Variants in COL8A1 observed in about 807,000 individuals in gnomAD.
COL8A1 encodes collagen type VIII alpha 1 chain.
COL8A1 carries 21 observed loss-of-function variants against 42.7 expected under a neutral mutation model. That is an observed-to-expected ratio of 0.49 (90% CI 0.35 to 0.71). The LOEUF is 0.71. Ranked by LOEUF, COL8A1 falls within the 30% of genes least tolerant of loss-of-function variation. The pLI, the probability that COL8A1 is intolerant of heterozygous loss-of-function variation, is 0.01. For missense variants in COL8A1, 788 were observed against 962.4 expected, an observed-to-expected ratio of 0.82 and a Z score of 2.40; for synonymous variants, 367 against 369.1, an observed-to-expected ratio of 0.99 and a Z score of 0.06.
chr3:99,760,146 AG>A (rs1479222134), intron 2 of COL8A1, among the ~76,000 whole-genome samples: 3 of 152,136 alleles, frequency 2.0e-5, no homozygotes, highest in African/African-American at 7.2e-5. Flanking sequence ...AAAAAAAAAA[AG>A]TTTTCCTTGT....
chr3:99,650,888 G>A (rs1576413102), intron 1 of COL8A1, among the ~76,000 whole-genome samples: 1 of 152,240 alleles, frequency 6.6e-6, no homozygotes, highest in East Asian at 1.9e-4. Context: ...ATAAACTACT[G>A]AAAAAATTGA....
intron 2 of COL8A1, among the ~76,000 whole-genome samples, chr3:99,770,771 C>T (rs976511861): frequency 4.6e-5 from 7 of 152,096 alleles, no homozygotes; most frequent in East Asian, 1.9e-4. Context: ...GGGGAAACAG[C>T]GCGGTGATAA....
chr3:99,770,186 T>A (rs943876815), intron 2 of COL8A1, among the ~76,000 whole-genome samples: 7 of 152,134 alleles, frequency 4.6e-5, no homozygotes, highest in African/African-American at 1.7e-4. Flanking sequence ...TCGTGGCCCC[T>A]GGGTATAGGG....
At chr3:99,717,373 A>T (rs945508422) in intron 1 of COL8A1, among the ~76,000 whole-genome samples, 2 of 151,980 alleles carry the variant, frequency 1.3e-5, no homozygotes, top group Middle Eastern at 3.2e-3. Context: ...AAAATCTTTG[A>T]TCTGATGTTT....
chr3:99,769,159 T>A (rs1941529002), intron 2 of COL8A1, among the ~76,000 whole-genome samples: 1 of 152,230 alleles, frequency 6.6e-6, no homozygotes, highest in Non-Finnish European at 1.5e-5. Flanking sequence ...CTCATCTTAT[T>A]TTTAAGTTGA....
At chr3:99,700,809 CAT>C (rs2107346324) in intron 1 of COL8A1, among the ~76,000 whole-genome samples, 1 of 152,228 alleles carries the variant, frequency 6.6e-6, no homozygotes, top group South Asian at 2.1e-4. Flanking sequence ...TGTGTGCATG[CAT>C]GTGTTTGCAT....
chr3:99,661,903 C>T (rs764338330), intron 1 of COL8A1, among the ~76,000 whole-genome samples: 98 of 152,028 alleles, frequency 6.4e-4, no homozygotes, highest in Non-Finnish European at 5.9e-4. Context: ...TTTGAGATAC[C>T]TAGAGTAGTC....
At chr3:99,641,306 T>C (rs992829478) in intron 1 of COL8A1, among the ~76,000 whole-genome samples, 1 of 152,182 alleles carries the variant, frequency 6.6e-6, no homozygotes, top group Non-Finnish European at 1.5e-5. Flanking sequence ...AAAATCCATG[T>C]CTGCTCTTGT....
chr3:99,786,343 T>A (rs1338763091), intron 2 of COL8A1, among the ~76,000 whole-genome samples: 1 of 152,164 alleles, frequency 6.6e-6, no homozygotes, highest in African/African-American at 2.4e-5. Context: ...GATAATTAGA[T>A]CATGAGTGCA....
At chr3:99,679,732 T>G (rs1472853597) in intron 1 of COL8A1, 2 of 152,198 alleles carry the variant, frequency 1.3e-5, no homozygotes, top group African/African-American at 4.8e-5. Context: ...CTAGTCTTTT[T>G]GGAAATTGGT....
chr3:99,773,137 T>C, intron 2 of COL8A1, among the ~76,000 whole-genome samples: 1 of 152,208 alleles, frequency 6.6e-6, no homozygotes, highest in East Asian at 1.9e-4. Flanking sequence ...TAGCGCAGTG[T>C]CAGAACTTGG....
intron 1 of COL8A1, among the ~76,000 whole-genome samples, chr3:99,644,090 G>C (rs2107281583): frequency 6.6e-6 from 1 of 152,238 alleles, no homozygotes; most frequent in Admixed American, 6.5e-5. Context: ...AACAGAGGAG[G>C]GAGAATCTCC....
At chr3:99,733,278 C>G (rs1940580982) in intron 1 of COL8A1, among the ~76,000 whole-genome samples, 1 of 150,368 alleles carries the variant, frequency 6.7e-6, no homozygotes, top group African/African-American at 2.5e-5. Context: ...AGGTATATCT[C>G]CCAATGCTAT....
chr3:99,725,377 T>C (rs954404049), intron 1 of COL8A1, among the ~76,000 whole-genome samples: 1 of 151,976 alleles, frequency 6.6e-6, no homozygotes, highest in Non-Finnish European at 1.5e-5. Flanking sequence ...CATAAAGTGT[T>C]TTGGCACAGA....
Position 99,795,468 on chromosome 3 carries a change from C to G in COL8A1, c.1567C>G (p.Leu523Val). Residue 523 changes from leucine (L) to valine (V), a missense_variant, in exon 4 of 4, where the codon CTC (leucine) becomes GTC (valine). Leu to Val is a conservative substitution (Grantham distance 32, BLOSUM62 1). Coordinates refer to ENST00000652472, the MANE Select transcript of COL8A1 (RefSeq NM_020351.4). Reference protein sequence around the residue: ...GIPGPKGEPGLPGPPGFPGIG... With the variant: ...GIPGPKGEPGVPGPPGFPGIG... ...TCCAGGCCCCAAAGGGGAGCCGGGCCTCCCAGGGCCCCCTGGGTTCCCTGG... is the reference window on the plus strand; with the variant it reads ...TCCAGGCCCCAAAGGGGAGCCGGGCGTCCCAGGGCCCCCTGGGTTCCCTGG... The G allele has an allele frequency of 6.5e-7, 1 of 1,531,226 alleles. No homozygotes were observed. The highest frequency in any genetic ancestry group is 8.8e-7 in the Non-Finnish European group (1 of 1,137,512). The allele number at this position is 1,531,226 out of a possible 1,614,324, so 94.9% of individuals were successfully genotyped here. A position where few individuals can be genotyped will look rare whatever the true frequency, so the allele number is the denominator to read the frequency against.
intron 1 of COL8A1, among the ~76,000 whole-genome samples, chr3:99,733,797 C>A (rs1157234634): frequency 1.3e-5 from 2 of 151,722 alleles, no homozygotes; most frequent in Non-Finnish European, 2.9e-5. Context: ...TCTCCACATC[C>A]TCTCCAGCAC....
intron 2 of COL8A1, among the ~76,000 whole-genome samples, chr3:99,772,998 G>C (rs1484843775): frequency 6.6e-6 from 1 of 152,196 alleles, no homozygotes; most frequent in Non-Finnish European, 1.5e-5. Context: ...GCTGTGTGAT[G>C]ACCTCAGGCA....
At chr3:99,773,310 G>A (rs1392617764) in intron 2 of COL8A1, among the ~76,000 whole-genome samples, 1 of 152,102 alleles carries the variant, frequency 6.6e-6, no homozygotes, top group Admixed American at 6.5e-5. Flanking sequence ...TTAATGCCTG[G>A]CTTCCACGTC....
chr3:99,688,683 ATTACTTCATC>A (rs1278905038), intron 1 of COL8A1, among the ~76,000 whole-genome samples: 5 of 152,178 alleles, frequency 3.3e-5, no homozygotes, highest in African/African-American at 1.2e-4. Context: ...CTGTATTATT[ATTACTTCATC>A]TCTGAAGGAA....
Sources: allele counts gnomAD v4.1 joint callset (sites outside exome capture counted in the v4.1 genomes callset), GRCh38; gene constraint gnomAD v4.1.1; transcripts MANE v1.5; gene names NCBI Gene and HGNC (gene_info 2026-07-23, HGNC 2026-07-21).